KIAA1217: variants seen among roughly 807,000 people sequenced by gnomAD.
KIAA1217 encodes sickle tail protein homolog.
In KIAA1217, 88 loss-of-function variants were observed where a neutral mutation model predicts 163.9. The ratio of observed to expected loss-of-function variants is 0.54; its 90% CI spans 0.45 to 0.64. KIAA1217 has a LOEUF of 0.64. Ranked by LOEUF, KIAA1217 falls within the 30% of genes least tolerant of loss-of-function variation. KIAA1217 has a pLI of 0.00. For synonymous variants in KIAA1217, 903 were observed against 923.1 expected, an observed-to-expected ratio of 0.98 and a Z score of 0.39; for missense variants, 2,372 against 2,475.0, an observed-to-expected ratio of 0.96 and a Z score of 0.88.
chr10:23,906,271 C>CAA (rs1795069499), intron 1 of KIAA1217, among the ~76,000 whole-genome samples: 1 of 151,828 alleles, frequency 6.6e-6, no homozygotes, highest in South Asian at 2.1e-4. Flanking sequence ...CACACACACA[C>CAA]ACAAAAATAC....
rs1564423333 is a variant in KIAA1217 at position 23,790,400 on chromosome 10, C to CATATGT, written c.-321+95170_-321+95171insGTATAT. ...ATGTATATATACATATGTATATATA[C>CATATGT]ATATATACATATACATATATACATA... On this transcript the variant is annotated intron_variant, in intron 1 of 18. Coordinates refer to the KIAA1217 transcript ENST00000376462. Among the ~76,000 whole-genome samples the CATATGT allele has an allele frequency of 6.1e-4, 60 of 98,390 alleles. 1 individual carries two copies. The highest frequency in any genetic ancestry group is 9.0e-4 in the South Asian group (3 of 3,328). The allele number at this position is 98,390 out of a possible 152,430, so 64.5% of individuals were successfully genotyped here. A position where few individuals can be genotyped will look rare whatever the true frequency, so the allele number is the denominator to read the frequency against.
At chr10:24,083,404 T>C (rs912833383) in intron 2 of KIAA1217, among the ~76,000 whole-genome samples, 1 of 152,206 alleles carries the variant, frequency 6.6e-6, no homozygotes, top group African/African-American at 2.4e-5. Flanking sequence ...CCTCCAGAAA[T>C]TTATTTCATC....
chr10:24,397,504 T>C (rs1476849747), intron 3 of KIAA1217, among the ~76,000 whole-genome samples: 1 of 152,146 alleles, frequency 6.6e-6, no homozygotes, highest in Non-Finnish European at 1.5e-5. Context: ...AAAGCCAAGA[T>C]TGGAACCCAA....
At chr10:23,905,924 C>G (rs1167575618) in intron 1 of KIAA1217, among the ~76,000 whole-genome samples, 6 of 152,058 alleles carry the variant, frequency 3.9e-5, no homozygotes, top group Non-Finnish European at 5.9e-5. Flanking sequence ...TTATAAAGAA[C>G]AGAAATGTAT....
chr10:24,037,203 C>G (rs371811809), intron 2 of KIAA1217, among the ~76,000 whole-genome samples: 1 of 152,136 alleles, frequency 6.6e-6, no homozygotes, highest in African/African-American at 2.4e-5. Flanking sequence ...CAGTGGCTCA[C>G]GCCTATAATC....
chr10:23,738,102 A>T (rs1273259494), intron 1 of KIAA1217, among the ~76,000 whole-genome samples: 1 of 152,044 alleles, frequency 6.6e-6, no homozygotes, highest in Non-Finnish European at 1.5e-5. Context: ...AGCATTTGTT[A>T]TTGTAGAGGA....
At chr10:23,832,819 A>G (rs1437440099) in intron 1 of KIAA1217, among the ~76,000 whole-genome samples, 1 of 152,188 alleles carries the variant, frequency 6.6e-6, no homozygotes, top group African/African-American at 2.4e-5. Context: ...AAGAGGTTTA[A>G]TGGACTTACA....
At chr10:24,263,749 T>G (rs2075941967) in intron 2 of KIAA1217, among the ~76,000 whole-genome samples, 1 of 152,234 alleles carries the variant, frequency 6.6e-6, no homozygotes, top group Non-Finnish European at 1.5e-5. Context: ...ACGAGATGCC[T>G]CTAACATTTT....
chr10:24,006,872 C>A (rs1331106297), intron 1 of KIAA1217, among the ~76,000 whole-genome samples: 1 of 152,186 alleles, frequency 6.6e-6, no homozygotes, highest in African/African-American at 2.4e-5. Flanking sequence ...TTCAGCTTTT[C>A]ATTCAGCCTC....
chr10:23,791,906 A>C (rs1366285792), intron 1 of KIAA1217, among the ~76,000 whole-genome samples: 1 of 152,202 alleles, frequency 6.6e-6, no homozygotes, highest in African/African-American at 2.4e-5. Flanking sequence ...CTGTCGATGA[A>C]GACTAATCCA....
At chr10:23,913,641 G>A (rs530010631) in intron 1 of KIAA1217, among the ~76,000 whole-genome samples, 1 of 152,278 alleles carries the variant, frequency 6.6e-6, no homozygotes, top group South Asian at 2.1e-4. Context: ...GGGGCACCAG[G>A]CAGGCTGCTG....
At chr10:24,277,030 A>T (rs145512423) in intron 2 of KIAA1217, among the ~76,000 whole-genome samples, 105 of 152,288 alleles carry the variant, frequency 6.9e-4, no homozygotes, top group East Asian at 3.9e-4. Flanking sequence ...AAGCTCTATG[A>T]TTATAGATGT....
At chr10:23,937,401 C>A (rs533609394) in intron 1 of KIAA1217, among the ~76,000 whole-genome samples, 183 of 152,248 alleles carry the variant, frequency 1.2e-3, no homozygotes, top group African/African-American at 4.3e-3. Context: ...GAAACTCATT[C>A]CTAGAACCAA....
At chr10:23,719,398 T>G (rs528666041) in intron 1 of KIAA1217, among the ~76,000 whole-genome samples, 2 of 152,062 alleles carry the variant, frequency 1.3e-5, no homozygotes, top group South Asian at 4.1e-4. Context: ...CTGGGCAACA[T>G]AGCGACACGC....
intron 6 of KIAA1217, chr10:24,482,722 TAA>T: frequency 6.6e-6 from 1 of 152,352 alleles, no homozygotes; most frequent in South Asian, 2.1e-4. Flanking sequence ...TCACAGATCT[TAA>T]AAAGTCTGTA....
intron 3 of KIAA1217, among the ~76,000 whole-genome samples, chr10:24,396,765 G>T: frequency 6.6e-6 from 1 of 152,192 alleles, no homozygotes; most frequent in African/African-American, 2.4e-5. Context: ...ATGTCAGAAA[G>T]GTAACAGGCC....
intron 2 of KIAA1217, among the ~76,000 whole-genome samples, chr10:24,009,093 A>G (rs1003737253): frequency 2.6e-5 from 4 of 152,294 alleles, no homozygotes; most frequent in Admixed American, 2.6e-4. Context: ...TTGTTGCCTG[A>G]ATTGGGATTG....
At chr10:24,408,731 C>A (rs1448701523) in intron 3 of KIAA1217, among the ~76,000 whole-genome samples, 1 of 144,866 alleles carries the variant, frequency 6.9e-6, no homozygotes. Flanking sequence ...TCTCCCTCAT[C>A]AATCTTTATT....
intron 1 of KIAA1217, among the ~76,000 whole-genome samples, chr10:23,924,955 T>TA (rs34623112): frequency 0.4 from 61,044 of 151,338 alleles, 15,619 homozygotes; most frequent in African/African-American, 0.73. Flanking sequence ...AGAGAAAACT[T>TA]AAAAAAAAAT....
Sources: allele counts gnomAD v4.1 joint callset (sites outside exome capture counted in the v4.1 genomes callset), GRCh38; gene constraint gnomAD v4.1.1; transcripts MANE v1.5; gene names NCBI Gene and HGNC (gene_info 2026-07-23, HGNC 2026-07-21).